YIPF4: variants seen among roughly 807,000 people sequenced by gnomAD.
YIPF4 encodes the protein protein YIPF4.
Under a neutral mutation model 29.4 loss-of-function variants are expected in YIPF4, and 18 were observed. The ratio of observed to expected loss-of-function variants is 0.61; its 90% CI spans 0.42 to 0.91. The LOEUF (loss-of-function observed/expected upper bound fraction) is 0.91. Among genes scored for constraint, YIPF4 ranks in the 40% least tolerant of loss-of-function variants. YIPF4 has a pLI of 0.00. For synonymous variants in YIPF4, 115 were observed against 104.7 expected (o/e 1.10, Z -0.60); for missense variants, 279 against 282.7 (o/e 0.99, Z 0.09).
intron 1 of YIPF4, among the ~76,000 whole-genome samples, chr2:32,282,061 T>C (rs1041044249): frequency 6.7e-6 from 1 of 148,182 alleles, no homozygotes; most frequent in African/African-American, 2.5e-5. Context: ...AGACCCTGGC[T>C]GAAAAAAAAA....
At chr2:32,294,187 G>A (rs1171710362) in intron 3 of YIPF4, among the ~76,000 whole-genome samples, 11 of 151,822 alleles carry the variant, frequency 7.2e-5, no homozygotes, top group South Asian at 4.1e-4. Flanking sequence ...CCTCCCTCCC[G>A]GACGGGGTGG....
intron 1 of YIPF4, among the ~76,000 whole-genome samples, chr2:32,279,388 AT>A (rs2030276031): frequency 8.8e-6 from 1 of 113,402 alleles, no homozygotes; most frequent in South Asian, 2.7e-4. Flanking sequence ...AAGAACCTAG[AT>A]TTTCCTTTTT....
chr2:32,312,590 G>A lies in YIPF4; in HGVS notation c.*6964G>A, dbSNP rs996759004. On this transcript the variant is annotated 3_prime_UTR_variant, in exon 6 of 6. Transcript: ENST00000238831. ...TTGAGAAGAAACAGCCTTTGAATTTGGCACCCTGAATGTGAAGGGACAATA... is the reference window on the plus strand; with the variant it reads ...TTGAGAAGAAACAGCCTTTGAATTTAGCACCCTGAATGTGAAGGGACAATA... The A allele has an allele frequency of 1.7e-4, 26 of 150,034 alleles. No homozygotes were observed. Among genetic ancestry groups the A allele is most frequent in the African/African-American group, 5.4e-4 (22 of 40,796 alleles). The allele number at this position is 150,034 out of a possible 1,614,324, so 9.3% of individuals were successfully genotyped here.
intron 1 of YIPF4, among the ~76,000 whole-genome samples, chr2:32,286,592 C>T (rs1328270557): frequency 6.6e-6 from 1 of 151,822 alleles, no homozygotes; most frequent in Admixed American, 6.6e-5. Context: ...TGTTGGCAGG[C>T]TGGAGTGCAG....
chr2:32,294,844 C>T (rs971619285), intron 3 of YIPF4, among the ~76,000 whole-genome samples: 4 of 152,262 alleles, frequency 2.6e-5, no homozygotes, highest in Non-Finnish European at 4.4e-5. Context: ...GCTGGCGGAT[C>T]ACTCGTGGTT....
chr2:32,306,344 C>CAGA lies in YIPF4; in HGVS notation c.*718_*719insAGA. ...AAACCATTTTTGAATGTCCAAACAT[C>CAGA]TGATTTAAAGTTTCTGTTTATCTTT... On this transcript the variant is annotated 3_prime_UTR_variant, in exon 6 of 6. Coordinates refer to ENST00000238831, the MANE Select transcript of YIPF4 (RefSeq NM_032312.4). The CAGA allele has an allele frequency of 4.1e-6, 4 of 985,702 alleles. No homozygotes were observed. Among genetic ancestry groups the CAGA allele is most frequent in the Non-Finnish European group, 4.8e-6 (4 of 829,858 alleles). 61.1% of individuals were successfully genotyped at this position (985,702 alleles called of 1,614,324 possible).
intron 5 of YIPF4, 111 bp downstream of exon 5, chr2:32,301,606 G>A: frequency 1.5e-6 from 1 of 683,330 alleles, no homozygotes; most frequent in Non-Finnish European, 2.3e-6. Context: ...ACAGTTGGTA[G>A]TATTTTGGAA....
At position 32,307,561 on chromosome 2, in the gene YIPF4, T is replaced by C. The variant is rs1022801825; in HGVS notation, c.*1935T>C. 3.6e-4 allele frequency: 55 copies of C among 153,262 alleles called. 1 individual carries two copies. Among genetic ancestry groups the C allele is most frequent in the African/African-American group, 1.3e-3 (53 of 41,462 alleles). The allele number at this position is 153,262 out of a possible 1,614,324, so 9.5% of individuals were successfully genotyped here. A position where few individuals can be genotyped will look rare whatever the true frequency, so the allele number is the denominator to read the frequency against. On this transcript the variant is annotated 3_prime_UTR_variant, in exon 6 of 6. Coordinates refer to ENST00000238831, the MANE Select transcript of YIPF4 (RefSeq NM_032312.4). ...GGGTTTCTATAAATACAAATTACAA[T>C]GTTTCGAACTCAACCAGTATCATTT...
intron 1 of YIPF4, among the ~76,000 whole-genome samples, chr2:32,285,623 T>G (rs2030628547): frequency 6.6e-6 from 1 of 152,022 alleles, no homozygotes; most frequent in African/African-American, 2.4e-5. Flanking sequence ...TAATACAAGT[T>G]AGTAATGTAG....
chr2:32,294,850 T>A (rs942418731), intron 3 of YIPF4, among the ~76,000 whole-genome samples: 1 of 152,254 alleles, frequency 6.6e-6, no homozygotes, highest in South Asian at 2.1e-4. Context: ...GGATCACTCG[T>A]GGTTAGGAGC....
rs2031601930 is a variant in YIPF4, at chr2:32,307,013, A to G, written c.*1387A>G. 1.4e-5 allele frequency: 12 copies of G among 874,840 alleles called. 1 individual carries two copies. Among genetic ancestry groups the G allele is most frequent in the South Asian group, 1.4e-4 (8 of 58,880 alleles). 54.2% of individuals were successfully genotyped at this position (874,840 alleles called of 1,614,324 possible). ...CCCCTAATCCCAAAAGGAAAGAAAG[A>G]AAAACTTATTTTAAGCTGCAGAAAA... On this transcript the variant is annotated 3_prime_UTR_variant, in exon 6 of 6. Coordinates refer to ENST00000238831, the MANE Select transcript of YIPF4 (RefSeq NM_032312.4).
intron 4 of YIPF4, 66 bp downstream of exon 4, chr2:32,298,377 TA>T: frequency 1.7e-6 from 2 of 1,156,520 alleles, no homozygotes; most frequent in East Asian, 4.7e-5. Context: ...ATACTGCAGA[TA>T]TCATCATTAG....
At chr2:32,297,937 A>G (rs530493745) in intron 3 of YIPF4, among the ~76,000 whole-genome samples, 1 of 152,120 alleles carries the variant, frequency 6.6e-6, no homozygotes, top group Admixed American at 6.6e-5. Context: ...GGGATGCTGT[A>G]AGACAGGGGG....
intron 5 of YIPF4, among the ~76,000 whole-genome samples, chr2:32,303,105 C>G (rs182721381): frequency 5.3e-5 from 8 of 152,290 alleles, no homozygotes; most frequent in African/African-American, 1.9e-4. Context: ...TGGCTACCGC[C>G]TATAATCCCA....
At chr2:32,302,157 T>C (rs1431561387) in intron 5 of YIPF4, among the ~76,000 whole-genome samples, 2 of 151,680 alleles carry the variant, frequency 1.3e-5, no homozygotes, top group Non-Finnish European at 2.9e-5. Context: ...CAGCCTCTCA[T>C]GTAGCTGGGA....
intron 1 of YIPF4, among the ~76,000 whole-genome samples, chr2:32,280,294 A>AT (rs1452556738): frequency 1.3e-5 from 2 of 149,552 alleles, no homozygotes; most frequent in Admixed American, 6.7e-5. Context: ...CACCCAGCTA[A>AT]TTTTTTTGTA....
chr2:32,310,169 T>G lies in YIPF4; in HGVS notation c.*4543T>G, dbSNP rs192829148. On this transcript the variant is annotated 3_prime_UTR_variant, in exon 6 of 6. Transcript: ENST00000238831. ...TAAATGGTTTCTTTAATTGAACCTT[T>G]GAGCCTTATACTATTTTTAAATTTC... 7.2e-5 allele frequency: 11 copies of G among 152,280 alleles called. No individual in the cohort carries two copies. Among genetic ancestry groups the G allele is most frequent in the African/African-American group, 2.6e-4 (11 of 41,554 alleles). The allele number at this position is 152,280 out of a possible 1,614,324, so 9.4% of individuals were successfully genotyped here. A position where few individuals can be genotyped will look rare whatever the true frequency, so the allele number is the denominator to read the frequency against.
chr2:32,301,654 T>G (rs755965840), intron 5 of YIPF4, among the ~76,000 whole-genome samples, 159 bp downstream of exon 5: 21 of 152,252 alleles, frequency 1.4e-4, no homozygotes, highest in Non-Finnish European at 2.6e-4. Context: ...TATATTTCTT[T>G]CATTTTTTTT....
chr2:32,290,432 A>G, intron 1 of YIPF4, 51 bp from the exon 2 acceptor site: 1 of 1,319,040 alleles, frequency 7.6e-7, no homozygotes, highest in East Asian at 2.8e-5. Flanking sequence ...TTTGGTTAAG[A>G]TTCACATGTT....
Sources: allele counts gnomAD v4.1 joint callset (sites outside exome capture counted in the v4.1 genomes callset), GRCh38; gene constraint gnomAD v4.1.1; transcripts MANE v1.5; gene names NCBI Gene and HGNC (gene_info 2026-07-23, HGNC 2026-07-21).